RAPGEF4: variants seen among roughly 807,000 people sequenced by gnomAD.
RAPGEF4 encodes Rap guanine nucleotide exchange factor 4.
In RAPGEF4, 66 loss-of-function variants were observed where a neutral mutation model predicts 147.9. The observed-to-expected ratio is 0.45, with a 90% CI of 0.37 to 0.55. RAPGEF4 has a LOEUF of 0.55. RAPGEF4 is among the 20% of genes least tolerant of loss of function. The pLI is 0.00. For missense variants in RAPGEF4, 1,071 were observed against 1,257.3 expected (o/e 0.85, Z 2.24); for synonymous variants, 419 against 442.7 (o/e 0.95, Z 0.67).
intron 1 of RAPGEF4, among the ~76,000 whole-genome samples, chr2:172,785,926 T>G (rs967135692): frequency 1.3e-5 from 2 of 152,162 alleles, no homozygotes; most frequent in Non-Finnish European, 2.9e-5. Context: ...AGCTGATTGA[T>G]GAAGGCGGTG....
rs1278101707 is a variant in RAPGEF4 at position 173,052,248 on chromosome 2, T to C, written c.*481T>C. On this transcript the variant is annotated 3_prime_UTR_variant, in exon 31 of 31. Transcript: ENST00000397081. ...AATCTATAGAAGTCCAAATTATAGG[T>C]TGTATTCTTCCATCTTCATTGTCTT... The C allele has an allele frequency of 6.5e-6, 1 of 153,204 alleles. No individual in the cohort carries two copies. Among genetic ancestry groups the C allele is most frequent in the Non-Finnish European group, 1.5e-5 (1 of 68,432 alleles). 9.5% of individuals were successfully genotyped at this position (153,204 alleles called of 1,614,324 possible). A position where few individuals can be genotyped will look rare whatever the true frequency, so the allele number is the denominator to read the frequency against.
At chr2:172,880,064 G>A (rs1440992092) in intron 4 of RAPGEF4, among the ~76,000 whole-genome samples, 2 of 152,160 alleles carry the variant, frequency 1.3e-5, no homozygotes, top group Non-Finnish European at 2.9e-5. Flanking sequence ...ATCACAAACA[G>A]CTAGCTGAGA....
intron 1 of RAPGEF4, among the ~76,000 whole-genome samples, chr2:172,791,881 C>T (rs1227239681): frequency 1.3e-5 from 2 of 152,210 alleles, no homozygotes; most frequent in African/African-American, 2.4e-5. Context: ...CTAGTCTACA[C>T]TCCTAATGTG....
intron 1 of RAPGEF4, among the ~76,000 whole-genome samples, chr2:172,785,380 T>G (rs1053808559): frequency 3.3e-5 from 5 of 152,204 alleles, no homozygotes; most frequent in African/African-American, 1.2e-4. Flanking sequence ...GAGATACTTT[T>G]TAAAAAATGT....
intron 26 of RAPGEF4, 80 bp from the exon 27 acceptor site, chr2:173,033,834 C>G: frequency 7.7e-7 from 1 of 1,303,460 alleles, no homozygotes; most frequent in Non-Finnish European, 1.1e-6. Flanking sequence ...ATATATATTT[C>G]CCCTAGAAAT....
At chr2:173,013,511 A>G (rs961568556) in intron 17 of RAPGEF4, among the ~76,000 whole-genome samples, 2 of 152,256 alleles carry the variant, frequency 1.3e-5, no homozygotes, top group African/African-American at 4.8e-5. Flanking sequence ...AAGTTGTTTT[A>G]TGAACTAATT....
At chr2:172,824,616 G>A (rs556162182) in intron 4 of RAPGEF4, among the ~76,000 whole-genome samples, 36 of 152,326 alleles carry the variant, frequency 2.4e-4, no homozygotes, top group African/African-American at 8.4e-4. Flanking sequence ...AAGGCTGTAT[G>A]ATTTAGAGGT....
rs1559162220 is a variant in RAPGEF4, at chr2:172,983,476, T to G, written c.1005-20T>G. 6.3e-7 allele frequency: 1 copy of G among 1,574,862 alleles called. No homozygotes were observed. The highest frequency in any genetic ancestry group is 8.6e-7 in the Non-Finnish European group (1 of 1,166,110). On this transcript the variant is annotated intron_variant, in intron 10 of 30. Transcript: ENST00000397081. ...TGATGCCCTTTTTCCATATTCCTTTTTTTTTTTTTATCTTTGTAGACCTGG... is the reference window on the plus strand; with the variant it reads ...TGATGCCCTTTTTCCATATTCCTTTGTTTTTTTTTATCTTTGTAGACCTGG...
At chr2:172,915,726 C>T (rs1684001893) in intron 4 of RAPGEF4, among the ~76,000 whole-genome samples, 1 of 129,514 alleles carries the variant, frequency 7.7e-6, no homozygotes, top group Non-Finnish European at 1.7e-5. Context: ...AAAAAGATAT[C>T]TGAGTTTTGC....
At chr2:173,046,279 T>C (rs1685458831) in intron 29 of RAPGEF4, among the ~76,000 whole-genome samples, 1 of 152,240 alleles carries the variant, frequency 6.6e-6, no homozygotes, top group African/African-American at 2.4e-5. Context: ...TAAACAATTG[T>C]TCTCACATTT....
intron 4 of RAPGEF4, among the ~76,000 whole-genome samples, chr2:172,884,261 A>T (rs1696937408): frequency 6.6e-6 from 1 of 152,250 alleles, no homozygotes; most frequent in South Asian, 2.1e-4. Flanking sequence ...TTTTACCTTC[A>T]GATACAAGTC....
At chr2:172,965,242 G>A in intron 8 of RAPGEF4, 1 of 326,260 alleles carries the variant, frequency 3.1e-6, no homozygotes, top group Non-Finnish European at 5.7e-6. Context: ...GGCTCACTAG[G>A]ACAGTTTCTG....
chr2:172,814,168 C>T, intron 3 of RAPGEF4, 111 bp from the exon 4 acceptor site: 2 of 1,043,632 alleles, frequency 1.9e-6, no homozygotes, highest in Non-Finnish European at 2.9e-6. Context: ...TTGAACTATG[C>T]AATTAAATTG....
chr2:172,810,173 C>T (rs538154636), intron 3 of RAPGEF4, among the ~76,000 whole-genome samples: 1 of 152,314 alleles, frequency 6.6e-6, no homozygotes, highest in African/African-American at 2.4e-5. Flanking sequence ...CTGATCTCAG[C>T]TCTTCTACTT....
intron 1 of RAPGEF4, among the ~76,000 whole-genome samples, chr2:172,769,787 A>G (rs749752731): frequency 6.6e-6 from 1 of 152,188 alleles, no homozygotes; most frequent in Non-Finnish European, 1.5e-5. Flanking sequence ...AAATATAAGT[A>G]TGTTCCAATT....
chr2:172,792,217 T>G (rs978356680), intron 1 of RAPGEF4, among the ~76,000 whole-genome samples: 6 of 152,192 alleles, frequency 3.9e-5, no homozygotes, highest in African/African-American at 1.4e-4. Context: ...GCTGCTGCTG[T>G]CCTTGCTGCC....
In RAPGEF4 at chr2:173,016,403, CA is replaced by C; in HGVS notation, c.1866del (p.Gln622HisfsTer71). ...CCGGATGATTGCTGCCCTCAAGGAG[CA>C]ACTGCCAGAGTTGGAGAAGATTGTC... ...DARMIAALKE[Q>X]LPELEKIVKQ... On this transcript the variant is annotated frameshift_variant, in exon 19 of 31. Coordinates refer to ENST00000397081, the MANE Select transcript of RAPGEF4 (RefSeq NM_007023.4). LOFTEE classifies it high-confidence loss of function. 3 of 1,613,558 alleles carry C rather than the reference CA, an allele frequency of 1.9e-6. No homozygotes were observed. The highest frequency in any genetic ancestry group is 2.5e-6 in the Non-Finnish European group (3 of 1,179,468).
chr2:172,849,565 C>G (rs1359580554), intron 4 of RAPGEF4, among the ~76,000 whole-genome samples: 1 of 152,200 alleles, frequency 6.6e-6, no homozygotes, highest in African/African-American at 2.4e-5. Flanking sequence ...AGGAAGATTG[C>G]TCTCTTCAGG....
intron 4 of RAPGEF4, among the ~76,000 whole-genome samples, chr2:172,855,677 G>GT (rs1693332962): frequency 6.6e-6 from 1 of 152,174 alleles, no homozygotes; most frequent in Admixed American, 6.5e-5. Context: ...GGCCTCCAAT[G>GT]TTGAAGAATA....
Sources: allele counts gnomAD v4.1 joint callset (sites outside exome capture counted in the v4.1 genomes callset), GRCh38; gene constraint gnomAD v4.1.1; transcripts MANE v1.5; gene names NCBI Gene and HGNC (gene_info 2026-07-23, HGNC 2026-07-21).